The following VGLL3 variants were observed in gnomAD, a reference collection of about 807,000 sequenced individuals.
The protein encoded by VGLL3 is vestigial like family member 3.
In VGLL3, 18 loss-of-function variants were observed where a neutral mutation model predicts 29.2. That is an observed-to-expected ratio of 0.62 (90% CI 0.43 to 0.91). The LOEUF (loss-of-function observed/expected upper bound fraction) is 0.91. Ranked by LOEUF, VGLL3 falls within the 40% of genes least tolerant of loss-of-function variation. The pLI, the probability that VGLL3 is intolerant of heterozygous loss-of-function variation, is 0.00. For synonymous variants in VGLL3, 180 were observed against 151.8 expected (o/e 1.19, Z -1.36); for missense variants, 440 against 413.2 (o/e 1.06, Z -0.56).
chr3:86,989,099 G>C (rs1705524168), intron 1 of VGLL3, among the ~76,000 whole-genome samples: 1 of 152,142 alleles, frequency 6.6e-6, no homozygotes, highest in African/African-American at 2.4e-5. Flanking sequence ...AAGTGTTACA[G>C]TATTAACTCC....
At chr3:86,947,267 T>C (rs1704527921) in intron 3 of VGLL3, among the ~76,000 whole-genome samples, 200 bp from the exon 4 acceptor site, 1 of 152,202 alleles carries the variant, frequency 6.6e-6, no homozygotes, top group Non-Finnish European at 1.5e-5. Flanking sequence ...TAACACAGTA[T>C]GTGACAAAAA....
chr3:86,949,747 A>T (rs1323530073), intron 3 of VGLL3, among the ~76,000 whole-genome samples: 1 of 151,408 alleles, frequency 6.6e-6, no homozygotes, highest in Non-Finnish European at 1.5e-5. Context: ...GAATGGCGTG[A>T]ACCCGGGAGG....
chr3:86,947,332 A>T (rs1283228975), intron 3 of VGLL3, among the ~76,000 whole-genome samples: 1 of 152,176 alleles, frequency 6.6e-6, no homozygotes, highest in African/African-American at 2.4e-5. Context: ...TATATTTTTT[A>T]TTTGCTTGGA....
intron 3 of VGLL3, among the ~76,000 whole-genome samples, chr3:86,950,551 A>C (rs752457177): frequency 2.0e-5 from 3 of 152,210 alleles, no homozygotes; most frequent in Non-Finnish European, 4.4e-5. Context: ...AAATCAATTC[A>C]AGGAAAACTT....
Position 86,968,756 on chromosome 3 carries a change from T to C in VGLL3, c.771A>G (p.Pro257=). The C allele has an allele frequency of 6.2e-7, 1 of 1,614,012 alleles. No homozygotes were observed. The highest frequency in any genetic ancestry group is 8.5e-7 in the Non-Finnish European group (1 of 1,179,968). Residue 257 remains proline, a synonymous_variant, in exon 3 of 4, where the codon CCA becomes CCG. Transcript: ENST00000398399. ...AAGGCATCAGCAGAGGCCCATAGGA[T>C]GGATCCAGGGCAGAGCCAGCAGGAG... ...HHPPAGSALD[P]SYGPLLMPSV...
intron 1 of VGLL3, among the ~76,000 whole-genome samples, chr3:86,980,516 C>A (rs1264476434): frequency 2.6e-5 from 4 of 151,908 alleles, no homozygotes; most frequent in African/African-American, 9.7e-5. Flanking sequence ...AGTGAATGTG[C>A]CTTGCTGATG....
At chr3:86,952,782 G>A (rs1389909463) in intron 3 of VGLL3, among the ~76,000 whole-genome samples, 1 of 152,110 alleles carries the variant, frequency 6.6e-6, no homozygotes, top group Non-Finnish European at 1.5e-5. Context: ...ACAACACTGT[G>A]TCAGATGCTA....
chr3:86,990,795 G>A lies in VGLL3; in HGVS notation c.-52C>T. ...AGCTGCCGCCGCCGCTCTACGCGCT[G>A]GCGCGAGGGGCGCGGGCGCCGCCGC... On this transcript the variant is annotated 5_prime_UTR_variant, in exon 1 of 4. Transcript: ENST00000398399. The A allele has an allele frequency of 8.1e-7, 1 of 1,233,922 alleles. No individual in the cohort carries two copies. The highest frequency in any genetic ancestry group is 3.9e-5 in the South Asian group (1 of 25,412). 76.4% of individuals were successfully genotyped at this position (1,233,922 alleles called of 1,614,324 possible). A position where few individuals can be genotyped will look rare whatever the true frequency, so the allele number is the denominator to read the frequency against.
chr3:86,967,524 C>T (rs1399447589), intron 3 of VGLL3, among the ~76,000 whole-genome samples: 5 of 152,050 alleles, frequency 3.3e-5, no homozygotes, highest in Admixed American at 6.6e-5. Flanking sequence ...ACTCATGTCA[C>T]GGGAGAGGTA....
intron 1 of VGLL3, among the ~76,000 whole-genome samples, chr3:86,987,730 T>C (rs538950385): frequency 5.9e-5 from 9 of 152,196 alleles, no homozygotes; most frequent in East Asian, 1.9e-4. Context: ...ATAAAATGTA[T>C]ACTTTGCACA....
intron 2 of VGLL3, 35 bp from the exon 3 acceptor site, chr3:86,969,158 T>G (rs773199803): frequency 1.4e-5 from 22 of 1,526,326 alleles, no homozygotes; most frequent in Non-Finnish European, 1.9e-5. Flanking sequence ...ATTATTAACA[T>G]AAGACTCAGT....
In VGLL3 at chr3:86,975,679, A is replaced by G. The variant is rs1464493557; in HGVS notation, c.403+2847T>C. ...TTTCAGATTTTCCACATAGAAACAC[A>G]TTGTTGTGAGCATCAGAAAAAATGA... is the stretch of plus-strand genomic sequence containing the variant. On this transcript the variant is annotated intron_variant, in intron 2 of 3. Transcript: ENST00000398399. Among the ~76,000 whole-genome samples the G allele has an allele frequency of 2.6e-5, 4 of 152,210 alleles. No individual in the cohort carries two copies. In the East Asian group the frequency reaches 7.7e-4, roughly 29 times the overall value.
chr3:86,968,557 T>G (rs999153685), intron 3 of VGLL3, 33 bp downstream of exon 3: 9 of 1,557,386 alleles, frequency 5.8e-6, no homozygotes, highest in East Asian at 2.3e-5. Flanking sequence ...TAACTTTATC[T>G]TGTTATAGGA....
Position 86,944,238 on chromosome 3 carries a change from C to T in VGLL3, c.*2786G>A, listed in dbSNP as rs1244885154. 6.6e-6 allele frequency: 1 copy of T among 152,212 alleles called. No homozygotes were observed. Among genetic ancestry groups the T allele is most frequent in the East Asian group, 1.9e-4 (1 of 5,188 alleles). 9.4% of individuals were successfully genotyped at this position (152,212 alleles called of 1,614,324 possible). On this transcript the variant is annotated 3_prime_UTR_variant, in exon 4 of 4. Coordinates refer to ENST00000398399, the MANE Select transcript of VGLL3 (RefSeq NM_016206.4). ...GCAGTGTACCCCAAACACCTAGGTC[C>T]TGTTTTCTTTTTCCTTTTGAGACAG...
chr3:86,939,758 G>A lies in VGLL3; in HGVS notation c.*7266C>T, dbSNP rs952616723. On this transcript the variant is annotated 3_prime_UTR_variant, in exon 4 of 4. Coordinates refer to ENST00000398399, the MANE Select transcript of VGLL3 (RefSeq NM_016206.4). Reference sequence around the variant, plus strand: ...AAATATGTAAGGGAGAGGAAGAAGAGGAAGTCAGTGATGTCATGTGAGAAG... The same window carrying A: ...AAATATGTAAGGGAGAGGAAGAAGAAGAAGTCAGTGATGTCATGTGAGAAG... 1 of 152,284 alleles carries A rather than the reference G, an allele frequency of 6.6e-6. No individual in the cohort carries two copies. The highest frequency in any genetic ancestry group is 1.5e-5 in the Non-Finnish European group (1 of 68,104). 9.4% of individuals were successfully genotyped at this position (152,284 alleles called of 1,614,324 possible). A position where few individuals can be genotyped will look rare whatever the true frequency, so the allele number is the denominator to read the frequency against.
intron 1 of VGLL3, 44 bp downstream of exon 1, chr3:86,990,574 C>A (rs1026506475): frequency 1.6e-5 from 21 of 1,314,706 alleles, no homozygotes; most frequent in East Asian, 2.8e-5. Context: ...ACTCTCGATG[C>A]CCTTCGCCCC....
rs564202990 is a variant in VGLL3, at chr3:86,960,006, C to T, written c.937+8584G>A. ...TCCATTTGCTTCTCTAGTATATTCG[C>T]TATTCTCACCCGGTTTTTTGTATTG... On this transcript the variant is annotated intron_variant, in intron 3 of 3. Coordinates refer to ENST00000398399, the MANE Select transcript of VGLL3 (RefSeq NM_016206.4). 7.9e-5 allele frequency among the ~76,000 whole-genome samples: 12 copies of T among 152,140 alleles called. No individual in the cohort carries two copies. The South Asian group carries it at 2.3e-3, about 29-fold the overall frequency.
At chr3:86,981,202 A>T (rs1371701315) in intron 1 of VGLL3, among the ~76,000 whole-genome samples, 1 of 152,138 alleles carries the variant, frequency 6.6e-6, no homozygotes, top group Non-Finnish European at 1.5e-5. Flanking sequence ...CAATCATAAA[A>T]TATCAATTTT....
At position 86,990,636 on chromosome 3, in the gene VGLL3, C is replaced by G. The variant is rs750553100; in HGVS notation, c.108G>C (p.Ala36=). 7.3e-7 allele frequency: 1 copy of G among 1,367,086 alleles called. No homozygotes were observed. Among genetic ancestry groups the G allele is most frequent in the African/African-American group, 1.5e-5 (1 of 66,674 alleles). The allele number at this position is 1,367,086 out of a possible 1,614,324, so 84.7% of individuals were successfully genotyped here. A position where few individuals can be genotyped will look rare whatever the true frequency, so the allele number is the denominator to read the frequency against. Residue 36 remains alanine (A), a synonymous_variant, in exon 1 of 4, where the codon GCG becomes GCC. Coordinates refer to ENST00000398399, the MANE Select transcript of VGLL3 (RefSeq NM_016206.4). ...GACTCACCTGCTGGCCAGGTTGGGG[C>G]GCCGGCTGATAGTAGGCTGTGGGGC... The part of the protein sequence containing the change: ...TTCPTAYYQP[A]PQPGQQKKLA...
Sources: gnomAD v4.1 joint callset for allele counts (sites outside exome capture counted in the v4.1 genomes callset) on GRCh38, gnomAD v4.1.1 for gene constraint, MANE v1.5 for transcripts, NCBI Gene and HGNC (gene_info 2026-07-23, HGNC 2026-07-21) for gene names.